Variants in SAXO1 observed in about 807,000 individuals in gnomAD.
The protein encoded by SAXO1 is stabilizer of axonemal microtubules 1.
In SAXO1, 21 loss-of-function variants were observed where a neutral mutation model predicts 17.5. The ratio of observed to expected loss-of-function variants is 1.20; its 90% CI spans 0.85 to 1.72. SAXO1 has a LOEUF of 1.72. Ranked by LOEUF, SAXO1 falls within the 40% of genes most tolerant of loss-of-function variation. The pLI, the probability that SAXO1 is intolerant of heterozygous loss-of-function variation, is 0.00. For missense variants in SAXO1, 843 were observed against 596.0 expected, an observed-to-expected ratio of 1.41 and a Z score of -4.32; for synonymous variants, 274 against 216.5, an observed-to-expected ratio of 1.27 and a Z score of -2.33.
upstream of SAXO1, among the ~76,000 whole-genome samples, chr9:19,033,811 T>A (rs1835864619): frequency 6.6e-6 from 1 of 152,216 alleles, no homozygotes; most frequent in African/African-American, 2.4e-5. Context: ...ACCCCCAGTT[T>A]CTGATTCAGT....
At chr9:18,995,313 C>G (rs887655322) in intron 1 of SAXO1, among the ~76,000 whole-genome samples, 1 of 152,226 alleles carries the variant, frequency 6.6e-6, no homozygotes, top group Non-Finnish European at 1.5e-5. Flanking sequence ...AAGCTGGCAT[C>G]AGCCAGTCTC....
intron 1 of SAXO1, among the ~76,000 whole-genome samples, chr9:19,048,863 A>G (rs752338622): frequency 6.6e-6 from 1 of 152,218 alleles, no homozygotes; most frequent in Non-Finnish European, 1.5e-5. Context: ...GGAAAAGCAG[A>G]TGTGAGAAAG....
chr9:18,941,132 T>C (rs1454627419), intron 3 of SAXO1, among the ~76,000 whole-genome samples: 1 of 152,198 alleles, frequency 6.6e-6, no homozygotes, highest in African/African-American at 2.4e-5. Flanking sequence ...AATCAATCAC[T>C]TAATCAGTGG....
chr9:19,016,234 G>A lies in SAXO1; in HGVS notation c.38+16637C>T, dbSNP rs533503988. ...GTGGATCCACTGAGGTCGGGAGTTCGAGACCGGCCTGACGAACATGGTGAA... is the reference window on the plus strand; with the variant it reads ...GTGGATCCACTGAGGTCGGGAGTTCAAGACCGGCCTGACGAACATGGTGAA... On this transcript the variant is annotated intron_variant, in intron 1 of 3. Transcript: ENST00000380534. Among the ~76,000 whole-genome samples, 6 of 152,236 alleles carry A rather than the reference G, an allele frequency of 3.9e-5. No homozygotes were observed. In the South Asian group the frequency reaches 8.3e-4, roughly 21 times the overall value.
At chr9:19,037,655 T>C (rs183642615), upstream of SAXO1, among the ~76,000 whole-genome samples, 3 of 152,286 alleles carry the variant, frequency 2.0e-5, no homozygotes, top group South Asian at 2.1e-4. Context: ...ATTAAACCTC[T>C]TTTCCTTCCA....
intron 1 of SAXO1, among the ~76,000 whole-genome samples, chr9:18,971,333 A>C (rs2131795035): frequency 6.6e-6 from 1 of 152,282 alleles, no homozygotes; most frequent in Non-Finnish European, 1.5e-5. Context: ...GAATTCCAAC[A>C]GATAACCAAA....
intron 1 of SAXO1, among the ~76,000 whole-genome samples, chr9:19,013,180 A>G (rs989905901): frequency 3.3e-5 from 5 of 152,226 alleles, no homozygotes; most frequent in Admixed American, 2.0e-4. Context: ...GATCTTAGCC[A>G]AAAGGCCGAG....
intron 3 of SAXO1, among the ~76,000 whole-genome samples, chr9:18,936,992 C>T (rs973725812): frequency 6.6e-6 from 1 of 152,192 alleles, no homozygotes; most frequent in Non-Finnish European, 1.5e-5. Flanking sequence ...ATCTAGATGG[C>T]ACCCACTGAA....
chr9:18,989,699 C>T (rs1833734921), intron 1 of SAXO1, among the ~76,000 whole-genome samples: 1 of 152,154 alleles, frequency 6.6e-6, no homozygotes, highest in South Asian at 2.1e-4. Flanking sequence ...ATCAAATTCA[C>T]TTCAGACCAT....
At chr9:19,007,994 C>T (rs1588520790) in intron 1 of SAXO1, among the ~76,000 whole-genome samples, 1 of 147,084 alleles carries the variant, frequency 6.8e-6, no homozygotes. Context: ...TTTTTGGAGA[C>T]AGGGTCTCTG....
intron 1 of SAXO1, among the ~76,000 whole-genome samples, chr9:19,047,281 T>C (rs1432961239): frequency 6.6e-6 from 1 of 152,138 alleles, no homozygotes; most frequent in Non-Finnish European, 1.5e-5. Context: ...AGAGAATCTC[T>C]TGAACCCAGG....
chr9:19,006,601 G>C (rs1834490055), intron 1 of SAXO1, among the ~76,000 whole-genome samples: 1 of 152,210 alleles, frequency 6.6e-6, no homozygotes, highest in South Asian at 2.1e-4. Context: ...AAGGACACCA[G>C]GGCAGGATGG....
At chr9:18,967,848 T>G (rs1361191494) in intron 1 of SAXO1, among the ~76,000 whole-genome samples, 1 of 152,142 alleles carries the variant, frequency 6.6e-6, no homozygotes, top group Non-Finnish European at 1.5e-5. Context: ...TGCCCAGTTT[T>G]GTTCTTGAAA....
intron 1 of SAXO1, among the ~76,000 whole-genome samples, chr9:18,983,994 G>A (rs1588479108): frequency 6.6e-6 from 1 of 152,148 alleles, no homozygotes; most frequent in Non-Finnish European, 1.5e-5. Flanking sequence ...TTGACCCAGG[G>A]CTGAAGAATG....
At chr9:18,958,410 G>A (rs942120311) in intron 1 of SAXO1, among the ~76,000 whole-genome samples, 1 of 152,030 alleles carries the variant, frequency 6.6e-6, no homozygotes, top group African/African-American at 2.4e-5. Context: ...GGCAACAGAG[G>A]GAGACTCCGT....
At chr9:18,936,728 A>C (rs1831309208) in intron 3 of SAXO1, among the ~76,000 whole-genome samples, 1 of 152,180 alleles carries the variant, frequency 6.6e-6, no homozygotes. Context: ...ACTTCTTTAA[A>C]AGGGATTCCA....
chr9:18,956,533 G>A (rs887092084), intron 1 of SAXO1, among the ~76,000 whole-genome samples: 1 of 152,118 alleles, frequency 6.6e-6, no homozygotes, highest in African/African-American at 2.4e-5. Context: ...TCCTTCACTC[G>A]AGGAGGCAGG....
intron 1 of SAXO1, among the ~76,000 whole-genome samples, chr9:18,972,398 G>C (rs1362230307): frequency 6.6e-6 from 1 of 152,118 alleles, no homozygotes; most frequent in Non-Finnish European, 1.5e-5. Flanking sequence ...TTTGCCTTTT[G>C]TTCATAAATG....
intron 1 of SAXO1, among the ~76,000 whole-genome samples, chr9:18,960,711 G>C (rs1050273772): frequency 4.6e-5 from 7 of 152,134 alleles, no homozygotes; most frequent in African/African-American, 9.7e-5. Context: ...AGTCCAGAGG[G>C]TTGAGACTGC....
Sources: gnomAD v4.1 joint callset for allele counts (sites outside exome capture counted in the v4.1 genomes callset) on GRCh38, gnomAD v4.1.1 for gene constraint, MANE v1.5 for transcripts, NCBI Gene and HGNC (gene_info 2026-07-23, HGNC 2026-07-21) for gene names.